Variants in SBSN observed in about 807,000 individuals in gnomAD.
SBSN encodes HLAR698.
In SBSN, 33 loss-of-function variants were observed where a neutral mutation model predicts 42.8. The ratio of observed to expected loss-of-function variants is 0.77; its 90% CI spans 0.58 to 1.03. SBSN has a LOEUF of 1.03. SBSN is among the 50% of genes least tolerant of loss of function. The probability of loss-of-function intolerance (pLI) is 0.00; values close to 1 mark genes in which losing one functional copy is unlikely to be tolerated. For missense variants in SBSN, 646 were observed against 757.3 expected, an observed-to-expected ratio of 0.85 and a Z score of 1.72; for synonymous variants, 276 against 307.0, an observed-to-expected ratio of 0.90 and a Z score of 1.06.
At position 35,523,955 on chromosome 19, in the gene SBSN, G is replaced by T. The variant is rs539502734; in HGVS notation, c.1750-422C>A. On this transcript the variant is annotated intron_variant, in intron 3 of 3. Transcript: ENST00000452271. ...ACTTTGGGAGGCTGAGGAAGGAGGG[G>T]ATCACTTGAGATCAGGAGTTCGAGA... 2.0e-5 allele frequency among the ~76,000 whole-genome samples: 3 copies of T among 152,294 alleles called. No individual in the cohort carries two copies. The East Asian group carries it at 5.8e-4, about 29-fold the overall frequency.
At position 35,527,598 on chromosome 19, in the gene SBSN, G is replaced by A. The variant is rs532353383; in HGVS notation, c.684C>T (p.Ile228=). ...WKETEKFGQG[I]HHAAGQVGKE... ...TCCCAACCTGACCGGCAGCATGGTG[G>A]ATCCCCTGGCCAAACTTCTCTGTCT... The change falls in exon 1 of 4, where the codon ATC becomes ATT. Residue 228 remains isoleucine, a synonymous_variant. Coordinates refer to ENST00000452271, the MANE Select transcript of SBSN (RefSeq NM_001166034.2). The A allele has an allele frequency of 6.5e-7, 1 of 1,530,206 alleles. No individual in the cohort carries two copies. Among genetic ancestry groups the A allele is most frequent in the African/African-American group, 1.4e-5 (1 of 71,138 alleles). The allele number at this position is 1,530,206 out of a possible 1,614,324, so 94.8% of individuals were successfully genotyped here. A position where few individuals can be genotyped will look rare whatever the true frequency, so the allele number is the denominator to read the frequency against.
At chr19:35,526,598 T>TGC in intron 1 of SBSN, 46 bp downstream of exon 1, 10 of 284,144 alleles carry the variant, frequency 3.5e-5, no homozygotes, top group Middle Eastern at 1.2e-3. Flanking sequence ...AACCTTTCCC[T>TGC]CCCCCAACCC....
In SBSN at chr19:35,527,869, A is replaced by C; in HGVS notation, c.413T>G (p.Val138Gly). ...TCCCGCCTGGTTGGCCCCGTGATGGACCCCATGATGGATCAGTTTGTCTGC... is the reference window on the plus strand; with the variant it reads ...TCCCGCCTGGTTGGCCCCGTGATGGCCCCCATGATGGATCAGTTTGTCTGC... ...KEADKLIHHG[V>G]HHGANQAGSE... The change falls in exon 1 of 4, where the codon GTC becomes GGC. Residue 138 changes from valine to glycine, a missense_variant. Coordinates refer to ENST00000452271, the MANE Select transcript of SBSN (RefSeq NM_001166034.2). 1 of 1,613,096 alleles carries C rather than the reference A, an allele frequency of 6.2e-7. No homozygotes were observed. Among genetic ancestry groups the C allele is most frequent in the Non-Finnish European group, 8.5e-7 (1 of 1,179,844 alleles).
In SBSN at chr19:35,526,966, A is replaced by G. The variant is rs1418502398; in HGVS notation, c.1316T>C (p.Ile439Thr). Residue 439 changes from isoleucine to threonine, a missense_variant, in exon 1 of 4, where the codon ATA becomes ACA. Coordinates refer to ENST00000452271, the MANE Select transcript of SBSN (RefSeq NM_001166034.2). ...TAGQAGKEGDIAVHGVQPGVH... is the reference protein window; with the variant it reads ...TAGQAGKEGDTAVHGVQPGVH... The stretch of plus-strand genomic sequence containing the variant: ...CCCAGGTTGGACACCATGAACTGCT[A>G]TGTCTCCCTCTTTCCCAGCCTGCCC... 1 of 1,561,302 alleles carries G rather than the reference A, an allele frequency of 6.4e-7. No homozygotes were observed. Among genetic ancestry groups the G allele is most frequent in the Admixed American group, 1.9e-5 (1 of 51,746 alleles).
At chr19:35,523,663 G>T (rs1017263984) in intron 3 of SBSN, 130 bp from the exon 4 acceptor site, 1 of 873,112 alleles carries the variant, frequency 1.1e-6, no homozygotes, top group Non-Finnish European at 1.9e-6. Flanking sequence ...ATGTTCTGGG[G>T]AAGTTTCAGG....
Position 35,525,095 on chromosome 19 carries a change from G to A in SBSN, c.1639-171C>T, listed in dbSNP as rs112486385. 2.9e-3 allele frequency among the ~76,000 whole-genome samples: 440 copies of A among 152,236 alleles called. 5 individuals carry two copies. The highest frequency in any genetic ancestry group is 1.0e-2 in the African/African-American group (415 of 41,522). ...AAGAAAACCCAAAGCCCGTGCTCGC[G>A]TGGGCATTCTGCCTCCTGCTGCCTT... On this transcript the variant is annotated intron_variant, in intron 1 of 3. Transcript: ENST00000452271.
chr19:35,523,410 A>T lies in SBSN; in HGVS notation c.*100T>A. 1 of 1,154,408 alleles carries T rather than the reference A, an allele frequency of 8.7e-7. No homozygotes were observed. The highest frequency in any genetic ancestry group is 1.3e-6 in the Non-Finnish European group (1 of 763,472). The allele number at this position is 1,154,408 out of a possible 1,614,324, so 71.5% of individuals were successfully genotyped here. On this transcript the variant is annotated 3_prime_UTR_variant, in exon 4 of 4. Transcript: ENST00000452271. The stretch of plus-strand genomic sequence containing the variant: ...CACAAATCCCAGTACAACCCCCTTC[A>T]GGGATTTCAGAAACCTGTCCCCCAC...
At position 35,528,106 on chromosome 19, in the gene SBSN, G is replaced by A. The variant is rs762463484; in HGVS notation, c.176C>T (p.Thr59Met). Residue 59 changes from threonine (T) to methionine (M), a missense_variant, in exon 1 of 4, where the codon ACG becomes ATG. By Grantham distance (81) the Thr-to-Met change is moderately conservative (BLOSUM62 -1). Coordinates refer to ENST00000452271, the MANE Select transcript of SBSN (RefSeq NM_001166034.2). Reference protein sequence around the residue: ...KALDGINSGITHAGREVEKVF... With the variant: ...KALDGINSGIMHAGREVEKVF... Reference sequence around the variant, plus strand: ...CTTCTCCACTTCCCTTCCGGCATGCGTGATTCCACTGTTGATGCCATCCAG... The same window carrying A: ...CTTCTCCACTTCCCTTCCGGCATGCATGATTCCACTGTTGATGCCATCCAG... 95 of 1,613,868 alleles carry A rather than the reference G, an allele frequency of 5.9e-5. No homozygotes were observed. The highest frequency in any genetic ancestry group is 6.9e-5 in the Non-Finnish European group (81 of 1,180,030).
Position 35,526,795 on chromosome 19 carries a change from T to C in SBSN, c.1487A>G (p.Gln496Arg). 1.2e-6 allele frequency: 2 copies of C among 1,613,934 alleles called. No individual in the cohort carries two copies. Among genetic ancestry groups the C allele is most frequent in the Non-Finnish European group, 1.7e-6 (2 of 1,179,970 alleles). ...QAGKEAEKLG[Q>R]GVNHAADQAG... ...CTGGTCAGCAGCATGGTTGACCCCT[T>C]GGCCAAGTTTCTCTGCTTCCTTCCC... Residue 496 changes from glutamine to arginine, a missense_variant, in exon 1 of 4, where the codon CAA becomes CGA. By Grantham distance (43) the Gln-to-Arg change is conservative (BLOSUM62 1). Coordinates refer to ENST00000452271, the MANE Select transcript of SBSN (RefSeq NM_001166034.2).
At position 35,527,066 on chromosome 19, in the gene SBSN, G is replaced by A. The variant is rs2071382976; in HGVS notation, c.1216C>T (p.Gln406Ter). Reference sequence around the variant, plus strand: ...TGACTAACGCCATGATGGAGGCCTTGGACCACTCTGTCTTCCTCCTTCCCC... The same window carrying A: ...TGACTAACGCCATGATGGAGGCCTTAGACCACTCTGTCTTCCTCCTTCCCC... ...QVGKEEDRVV[Q>*]GLHHGVSQAG... Residue 406 changes from glutamine to a stop codon, truncating the protein, a stop_gained, in exon 1 of 4, where the codon CAA (glutamine) becomes TAA (stop). Coordinates refer to ENST00000452271, the MANE Select transcript of SBSN (RefSeq NM_001166034.2). LOFTEE classifies it high-confidence loss of function. 1 of 1,538,002 alleles carries A rather than the reference G, an allele frequency of 6.5e-7. No individual in the cohort carries two copies. Among genetic ancestry groups the A allele is most frequent in the East Asian group, 2.4e-5 (1 of 40,876 alleles).
chr19:35,526,620 A>G (rs758946851), intron 1 of SBSN, 24 bp downstream of exon 1: 2 of 203,752 alleles, frequency 9.8e-6, no homozygotes, highest in Non-Finnish European at 1.6e-5. Flanking sequence ...CCTGTCCCCC[A>G]TCTCCCCATC....
Position 35,523,401 on chromosome 19 carries a change from A to AC in SBSN, c.*108dup. 3 of 1,070,486 alleles carry AC rather than the reference A, an allele frequency of 2.8e-6. No individual in the cohort carries two copies. The highest frequency in any genetic ancestry group is 4.3e-6 in the Non-Finnish European group (3 of 690,996). The allele number at this position is 1,070,486 out of a possible 1,614,324, so 66.3% of individuals were successfully genotyped here. ...AAGTTTATTCACAAATCCCAGTACA[A>AC]CCCCCTTCAGGGATTTCAGAAACCT... is the stretch of plus-strand genomic sequence containing the variant. On this transcript the variant is annotated 3_prime_UTR_variant, in exon 4 of 4. Coordinates refer to ENST00000452271, the MANE Select transcript of SBSN (RefSeq NM_001166034.2).
At position 35,528,160 on chromosome 19, in the gene SBSN, C is replaced by T; in HGVS notation, c.122G>A (p.Ser41Asn). Residue 41 changes from serine (S) to asparagine (N), a missense_variant, in exon 1 of 4, where the codon AGC (serine) becomes AAC (asparagine). Physicochemically the swap from Ser to Asn is conservative, Grantham distance 46. Transcript: ENST00000452271. ...KVIEGINRGL[S>N]NAEREVGKAL... is the part of the protein sequence containing the mutation. ...CTTGCCCACCTCTCTCTCTGCATTG[C>T]TCAGCCCTCGGTTGATCCCTTCAAT... 1.2e-6 allele frequency: 2 copies of T among 1,614,098 alleles called. No homozygotes were observed. Among genetic ancestry groups the T allele is most frequent in the Non-Finnish European group, 8.5e-7 (1 of 1,180,022 alleles).
chr19:35,526,710 C>T lies in SBSN; in HGVS notation c.1572G>A (p.Gly524=), dbSNP rs765348928. The change falls in exon 1 of 4, where the codon GGG becomes GGA. Residue 524 remains glycine (G), a synonymous_variant. Transcript: ENST00000452271. ...QGAHHAAGQA[G]KELQNAHNGV... ...CATTATGAGCATTCTGCAGCTCCTT[C>T]CCGGCCTGGCCAGCAGCATGGTGGG... 1 of 1,611,244 alleles carries T rather than the reference C, an allele frequency of 6.2e-7. No homozygotes were observed. The highest frequency in any genetic ancestry group is 8.5e-7 in the Non-Finnish European group (1 of 1,178,644).
In SBSN at chr19:35,525,219, T is replaced by C. The variant is rs570817709; in HGVS notation, c.1639-295A>G. 2.6e-5 allele frequency among the ~76,000 whole-genome samples: 4 copies of C among 152,238 alleles called. No homozygotes were observed. In the South Asian group the frequency reaches 8.3e-4, roughly 32 times the overall value. On this transcript the variant is annotated intron_variant, in intron 1 of 3. Coordinates refer to ENST00000452271, the MANE Select transcript of SBSN (RefSeq NM_001166034.2). ...AAGGTAGAGGACCCGTGACAAACAATATCAGGACCTAGTTTAACCTCAGCC... is the reference window on the plus strand; with the variant it reads ...AAGGTAGAGGACCCGTGACAAACAACATCAGGACCTAGTTTAACCTCAGCC...
At chr19:35,524,955 C>A (rs1377629708) in intron 1 of SBSN, 31 bp from the exon 2 acceptor site, 5 of 1,611,382 alleles carry the variant, frequency 3.1e-6, no homozygotes, top group Non-Finnish European at 4.2e-6. Flanking sequence ...CTTGTTACAA[C>A]CCCACAAACG....
At chr19:35,525,488 G>A (rs369176370) in intron 1 of SBSN, among the ~76,000 whole-genome samples, 14 of 145,622 alleles carry the variant, frequency 9.6e-5, no homozygotes, top group African/African-American at 1.8e-4. Context: ...TCTGTCTGGC[G>A]GCAGATGTGG....
intron 2 of SBSN, 23 bp downstream of exon 2, chr19:35,524,836 C>G: frequency 6.2e-7 from 1 of 1,613,992 alleles, no homozygotes; most frequent in Non-Finnish European, 8.5e-7. Flanking sequence ...CCTCCTCTCC[C>G]CTACCCCAGA....
chr19:35,524,934 AAGCCC>A lies in SBSN; in HGVS notation c.1639-15_1639-11del. On this transcript the variant is annotated splice_polypyrimidine_tract_variant and intron_variant, in intron 1 of 3. Coordinates refer to ENST00000452271, the MANE Select transcript of SBSN (RefSeq NM_001166034.2). ...CGCTTTGATGGTTGCCCTGTGGACAAAGCCCAGACTCTTGTTACAACCCCACAAAC... is the reference window on the plus strand; with the variant it reads ...CGCTTTGATGGTTGCCCTGTGGACAAAGACTCTTGTTACAACCCCACAAAC... 1 of 1,613,718 alleles carries A rather than the reference AAGCCC, an allele frequency of 6.2e-7. No individual in the cohort carries two copies. Among genetic ancestry groups the A allele is most frequent in the Non-Finnish European group, 8.5e-7 (1 of 1,179,840 alleles).
Sources: allele counts gnomAD v4.1 joint callset (sites outside exome capture counted in the v4.1 genomes callset), GRCh38; gene constraint gnomAD v4.1.1; transcripts MANE v1.5; gene names NCBI Gene and HGNC (gene_info 2026-07-23, HGNC 2026-07-21).